MYO3B: variants seen among roughly 807,000 people sequenced by gnomAD.
The protein encoded by MYO3B is myosin-IIIb.
In MYO3B, 156 loss-of-function variants were observed where a neutral mutation model predicts 174.6. The observed-to-expected ratio is 0.89, with a 90% CI of 0.78 to 1.02. The LOEUF (loss-of-function observed/expected upper bound fraction) is 1.02. Among genes scored for constraint, MYO3B ranks in the 50% least tolerant of loss-of-function variants. The probability of loss-of-function intolerance (pLI) is 0.00; values close to 1 mark genes in which losing one functional copy is unlikely to be tolerated. For synonymous variants in MYO3B, 563 were observed against 569.1 expected, an observed-to-expected ratio of 0.99 and a Z score of 0.15; for missense variants, 1,632 against 1,639.4, an observed-to-expected ratio of 1.00 and a Z score of 0.08.
intron 30 of MYO3B, among the ~76,000 whole-genome samples, chr2:170,540,749 T>G (rs1286374311): frequency 6.6e-6 from 1 of 152,196 alleles, no homozygotes; most frequent in Non-Finnish European, 1.5e-5. Context: ...AAAACTGACT[T>G]GTACCATCTT....
intron 7 of MYO3B, among the ~76,000 whole-genome samples, chr2:170,290,086 A>G (rs1459105732): frequency 2.0e-5 from 3 of 152,068 alleles, no homozygotes; most frequent in Non-Finnish European, 4.4e-5. Flanking sequence ...TGTAATTTAT[A>G]TTTTTTGAAT....
rs569771441 is a variant in MYO3B, at chr2:170,228,821, C to T, written c.604-7170C>T. Reference sequence around the variant, plus strand: ...GAGACCTTCCTGAAGTTCATAAGAACAGTCTAATTTAAATTATTTCTGACA... The same window carrying T: ...GAGACCTTCCTGAAGTTCATAAGAATAGTCTAATTTAAATTATTTCTGACA... On this transcript the variant is annotated intron_variant, in intron 6 of 34. Transcript: ENST00000408978. Among the ~76,000 whole-genome samples, 21 of 152,280 alleles carry T rather than the reference C, an allele frequency of 1.4e-4. 1 individual carries two copies. Among genetic ancestry groups the T allele is most frequent in the African/African-American group, 5.1e-4 (21 of 41,562 alleles).
intron 7 of MYO3B, among the ~76,000 whole-genome samples, chr2:170,265,754 C>T (rs1345384312): frequency 2.6e-5 from 4 of 152,136 alleles, no homozygotes; most frequent in African/African-American, 7.2e-5. Flanking sequence ...GTACTTTTTT[C>T]TCCTTTTCTC....
At chr2:170,318,421 G>T (rs2093791068) in intron 7 of MYO3B, among the ~76,000 whole-genome samples, 1 of 152,192 alleles carries the variant, frequency 6.6e-6, no homozygotes, top group Admixed American at 6.5e-5. Context: ...TGTAGTCAAT[G>T]CAGATCCAGG....
At chr2:170,313,023 A>G (rs927549227) in intron 7 of MYO3B, among the ~76,000 whole-genome samples, 1 of 152,192 alleles carries the variant, frequency 6.6e-6, no homozygotes, top group Admixed American at 6.5e-5. Context: ...ACAACTGGGT[A>G]TCTGTTTTAG....
intron 7 of MYO3B, among the ~76,000 whole-genome samples, chr2:170,300,220 G>A (rs1051080640): frequency 6.6e-6 from 1 of 152,142 alleles, no homozygotes; most frequent in African/African-American, 2.4e-5. Context: ...AGAAATGTGA[G>A]TGGAAATAAC....
intron 32 of MYO3B, among the ~76,000 whole-genome samples, chr2:170,647,375 A>G (rs1220341792): frequency 2.0e-5 from 3 of 152,176 alleles, no homozygotes; most frequent in Admixed American, 6.5e-5. Context: ...ATAAATGTTA[A>G]TATGTCTGTA....
At chr2:170,502,158 C>T (rs1413544004) in intron 28 of MYO3B, among the ~76,000 whole-genome samples, 1 of 152,122 alleles carries the variant, frequency 6.6e-6, no homozygotes, top group East Asian at 1.9e-4. Flanking sequence ...AGGGACTTGT[C>T]CACCATCACA....
chr2:170,514,663 C>G (rs1465685947), intron 28 of MYO3B, among the ~76,000 whole-genome samples: 1 of 152,198 alleles, frequency 6.6e-6, no homozygotes, highest in Admixed American at 6.5e-5. Context: ...CCCAAATTAC[C>G]CAATGTCATC....
chr2:170,416,790 A>G (rs1450088734), intron 22 of MYO3B, among the ~76,000 whole-genome samples: 9 of 142,802 alleles, frequency 6.3e-5, no homozygotes, highest in African/African-American at 2.4e-4. Context: ...TGCCTGGAAC[A>G]CTCTTTCCCC....
chr2:170,440,968 A>AT (rs1476002444), intron 22 of MYO3B, among the ~76,000 whole-genome samples: 2 of 151,426 alleles, frequency 1.3e-5, no homozygotes, highest in Non-Finnish European at 2.9e-5. Context: ...CGCCCGGCTA[A>AT]TTTTTGTATT....
intron 7 of MYO3B, among the ~76,000 whole-genome samples, chr2:170,316,370 C>A (rs2093775565): frequency 6.6e-6 from 1 of 152,176 alleles, no homozygotes; most frequent in African/African-American, 2.4e-5. Context: ...TGAATCATTT[C>A]CTCTTCCAAA....
At chr2:170,252,540 G>T (rs1343911964) in intron 7 of MYO3B, among the ~76,000 whole-genome samples, 3 of 152,182 alleles carry the variant, frequency 2.0e-5, no homozygotes, top group Non-Finnish European at 4.4e-5. Context: ...TATGTTTTGA[G>T]TATTTACTAT....
At position 170,629,547 on chromosome 2, in the gene MYO3B, A is replaced by G. The variant is rs145342900; in HGVS notation, c.3734-22081A>G. ...CAGAACTAAGGGTATACTGAAGACT[A>G]ATGTTAAAAGCCACACAACGGGCTG... On this transcript the variant is annotated intron_variant, in intron 32 of 34. Transcript: ENST00000408978. 2.2e-4 allele frequency among the ~76,000 whole-genome samples: 34 copies of G among 152,302 alleles called. No individual in the cohort carries two copies. In the East Asian group the frequency reaches 6.6e-3, roughly 29 times the overall value.
chr2:170,453,307 A>C (rs1683704956), intron 23 of MYO3B, among the ~76,000 whole-genome samples: 1 of 152,046 alleles, frequency 6.6e-6, no homozygotes, highest in South Asian at 2.1e-4. Context: ...CTTTGCACAA[A>C]GTACACCAGA....
chr2:170,286,496 G>T (rs2093557435), intron 7 of MYO3B, among the ~76,000 whole-genome samples: 1 of 152,044 alleles, frequency 6.6e-6, no homozygotes, highest in African/African-American at 2.4e-5. Flanking sequence ...TCTAGTCATG[G>T]TTGCTATATT....
chr2:170,653,101 GA>G lies in MYO3B; in HGVS notation c.4007del (p.Asp1336AlafsTer96), dbSNP rs1428856857. The G allele has an allele frequency of 6.2e-7, 1 of 1,613,990 alleles. No individual in the cohort carries two copies. The highest frequency in any genetic ancestry group is 8.5e-7 in the Non-Finnish European group (1 of 1,180,022). On this transcript the variant is annotated frameshift_variant, in exon 35 of 35. Transcript: ENST00000408978. LOFTEE classifies it high-confidence loss of function. ...PSFFSSSSKG[D>X]SFAQH ...CTTTTTTTCTTCATCCTCAAAAGGA[GA>G]CTCTTTTGCTCAACATTAAATTGTG...
chr2:170,486,562 G>C (rs1326670313), intron 25 of MYO3B, among the ~76,000 whole-genome samples: 2 of 152,080 alleles, frequency 1.3e-5, no homozygotes, highest in East Asian at 1.9e-4. Flanking sequence ...CGGCCTCCCA[G>C]AGTGCTGGGA....
At chr2:170,592,140 T>C (rs1693854826) in intron 32 of MYO3B, among the ~76,000 whole-genome samples, 1 of 152,206 alleles carries the variant, frequency 6.6e-6, no homozygotes, top group Non-Finnish European at 1.5e-5. Flanking sequence ...CAGATCTACC[T>C]GAGCCAAAGC....
Sources: gnomAD v4.1 joint callset for allele counts (sites outside exome capture counted in the v4.1 genomes callset) on GRCh38, gnomAD v4.1.1 for gene constraint, MANE v1.5 for transcripts, NCBI Gene and HGNC (gene_info 2026-07-23, HGNC 2026-07-21) for gene names.